Variants in SYN2 observed in about 807,000 individuals in gnomAD.
SYN2 encodes synapsin II.
SYN2 carries 19 observed loss-of-function variants against 50.9 expected under a neutral mutation model. That is an observed-to-expected ratio of 0.37 (90% CI 0.26 to 0.55). The LOEUF is 0.55. Ranked by LOEUF, SYN2 falls within the 20% of genes least tolerant of loss-of-function variation. SYN2 has a pLI of 0.81. For missense variants in SYN2, 587 were observed against 576.4 expected (o/e 1.02, Z -0.19); for synonymous variants, 255 against 224.9 (o/e 1.13, Z -1.20).
At chr3:12,153,443 A>G (rs1574971186) in intron 5 of SYN2, 1 of 1,570,666 alleles carries the variant, frequency 6.4e-7, no homozygotes, top group South Asian at 1.1e-5. Flanking sequence ...GTAATGGCCA[A>G]AGCTCTGCAG....
intron 1 of SYN2, among the ~76,000 whole-genome samples, chr3:12,079,937 T>C (rs1292558456): frequency 1.3e-5 from 2 of 152,066 alleles, no homozygotes; most frequent in Non-Finnish European, 2.9e-5. Flanking sequence ...GGTCCTGGGC[T>C]TTTTTTGGTT....
At chr3:12,144,996 A>G (rs1277811740) in intron 3 of SYN2, among the ~76,000 whole-genome samples, 1 of 152,170 alleles carries the variant, frequency 6.6e-6, no homozygotes, top group Non-Finnish European at 1.5e-5. Context: ...GCGCCACTGC[A>G]CTCTAGCCTG....
At chr3:12,130,064 T>C (rs1269292576) in intron 1 of SYN2, among the ~76,000 whole-genome samples, 1 of 152,100 alleles carries the variant, frequency 6.6e-6, no homozygotes, top group Non-Finnish European at 1.5e-5. Context: ...CTTTCTAGCC[T>C]CCAGATCTGT....
At chr3:12,034,493 G>A (rs551640320) in intron 1 of SYN2, among the ~76,000 whole-genome samples, 44 of 152,268 alleles carry the variant, frequency 2.9e-4, no homozygotes, top group Admixed American at 6.5e-5. Flanking sequence ...ATTACAGACT[G>A]AGGAATTTAT....
chr3:12,070,883 C>T (rs556591549), intron 1 of SYN2: 9 of 568,540 alleles, frequency 1.6e-5, no homozygotes, highest in Middle Eastern at 3.2e-4. Context: ...AAGGAGAAGC[C>T]GTGCTATGTT....
At chr3:12,032,485 T>G (rs1278495377) in intron 1 of SYN2, among the ~76,000 whole-genome samples, 1 of 71,158 alleles carries the variant, frequency 1.4e-5, no homozygotes, top group South Asian at 6.5e-4. Context: ...TTTTCCAACT[T>G]GGTTCCATTC....
At chr3:12,154,311 A>G in intron 5 of SYN2, 4 of 1,614,188 alleles carry the variant, frequency 2.5e-6, no homozygotes, top group East Asian at 2.2e-5. Flanking sequence ...GACTTTGGAA[A>G]TGGACATTCC....
At chr3:12,118,116 TC>T (rs1696472448) in intron 1 of SYN2, among the ~76,000 whole-genome samples, 1 of 152,180 alleles carries the variant, frequency 6.6e-6, no homozygotes, top group African/African-American at 2.4e-5. Flanking sequence ...AGGTTCAAAG[TC>T]TAAGTTTTAT....
chr3:12,031,053 C>T (rs11509405), intron 1 of SYN2, among the ~76,000 whole-genome samples: 24 of 107,384 alleles, frequency 2.2e-4, no homozygotes, highest in South Asian at 4.3e-4. Flanking sequence ...GCTTTGAATG[C>T]GTCCCAGAGA....
At chr3:12,171,293 G>A (rs897151315) in intron 10 of SYN2, among the ~76,000 whole-genome samples, 2 of 152,126 alleles carry the variant, frequency 1.3e-5, no homozygotes, top group Admixed American at 6.5e-5. Flanking sequence ...TCAGGCCTAT[G>A]GTGAGATTTT....
chr3:12,010,188 G>A (rs1004834944), intron 1 of SYN2, among the ~76,000 whole-genome samples: 2 of 152,198 alleles, frequency 1.3e-5, no homozygotes, highest in African/African-American at 2.4e-5. Context: ...GGACTGTGCC[G>A]TAATGCTGAC....
chr3:12,065,725 G>T (rs1574919145), intron 1 of SYN2, among the ~76,000 whole-genome samples: 1 of 152,216 alleles, frequency 6.6e-6, no homozygotes, highest in East Asian at 1.9e-4. Context: ...GTGGGGGCAA[G>T]GGTTGGAAAA....
At chr3:12,173,580 C>T (rs550347913) in intron 10 of SYN2, among the ~76,000 whole-genome samples, 2 of 152,252 alleles carry the variant, frequency 1.3e-5, no homozygotes, top group African/African-American at 4.8e-5. Context: ...CTCTAGTCAG[C>T]ATCCCGCTCC....
intron 1 of SYN2, among the ~76,000 whole-genome samples, chr3:12,129,019 T>C (rs758630963): frequency 2.6e-5 from 4 of 151,494 alleles, no homozygotes; most frequent in Admixed American, 1.3e-4. Flanking sequence ...AATAAGTAGT[T>C]GAAAAAATTT....
At chr3:12,189,641 A>G (rs1224645454) in intron 12 of SYN2, among the ~76,000 whole-genome samples, 1 of 152,110 alleles carries the variant, frequency 6.6e-6, no homozygotes, top group East Asian at 1.9e-4. Flanking sequence ...CATCTCTACT[A>G]AAAATACAAA....
intron 1 of SYN2, among the ~76,000 whole-genome samples, chr3:12,053,497 A>T (rs773654950): frequency 1.5e-4 from 23 of 151,394 alleles, no homozygotes; most frequent in South Asian, 4.1e-4. Context: ...CTTTCTCATT[A>T]TCTGATAAAT....
chr3:12,081,246 A>G (rs1282085382), intron 1 of SYN2, among the ~76,000 whole-genome samples: 1 of 152,214 alleles, frequency 6.6e-6, no homozygotes, highest in African/African-American at 2.4e-5. Flanking sequence ...CATTGCTGTA[A>G]GAATGTCCAT....
At chr3:12,119,210 T>C (rs923013193) in intron 1 of SYN2, among the ~76,000 whole-genome samples, 6 of 151,182 alleles carry the variant, frequency 4.0e-5, no homozygotes, top group Non-Finnish European at 1.5e-5. Context: ...CAGCTATCCT[T>C]CCTTGGTTAG....
chr3:12,077,552 C>A (rs550295937), intron 1 of SYN2, among the ~76,000 whole-genome samples: 1 of 152,176 alleles, frequency 6.6e-6, no homozygotes, highest in African/African-American at 2.4e-5. Flanking sequence ...CTTCTACTTA[C>A]AAGTGAGAAT....
Sources: gnomAD v4.1 joint callset for allele counts (sites outside exome capture counted in the v4.1 genomes callset) on GRCh38, gnomAD v4.1.1 for gene constraint, MANE v1.5 for transcripts, NCBI Gene and HGNC (gene_info 2026-07-23, HGNC 2026-07-21) for gene names.